Variants in PELP1 observed in about 807,000 individuals in gnomAD.
PELP1 encodes proline-, glutamic acid- and leucine-rich protein 1.
In PELP1, 32 loss-of-function variants were observed where a neutral mutation model predicts 95.5. The ratio of observed to expected loss-of-function variants is 0.34; its 90% CI spans 0.25 to 0.45. The LOEUF is 0.45. Among genes scored for constraint, PELP1 ranks in the 20% least tolerant of loss-of-function variants. PELP1 has a pLI of 1.00. For missense variants in PELP1, 1,358 were observed against 1,444.8 expected, an observed-to-expected ratio of 0.94 and a Z score of 0.97; for synonymous variants, 668 against 600.1, an observed-to-expected ratio of 1.11 and a Z score of -1.65.
rs1200213735 is a variant in PELP1 at position 4,685,764 on chromosome 17, G to A, written c.421-2812C>T. ...GCCATGATCACACCACTATATTCTA[G>A]CCCAGGTGACAAAATGAAACCATGT... is the stretch of plus-strand genomic sequence containing the variant. On this transcript the variant is annotated intron_variant, in intron 3 of 16. Transcript: ENST00000572293. 5.0e-5 allele frequency among the ~76,000 whole-genome samples: 7 copies of A among 140,448 alleles called. No homozygotes were observed. In the Admixed American group the frequency reaches 5.2e-4, roughly 11 times the overall value. The allele number at this position is 140,448 out of a possible 152,430, so 92.1% of individuals were successfully genotyped here.
chr17:4,702,880 G>T (rs1303756988), intron 1 of PELP1, among the ~76,000 whole-genome samples: 2 of 152,154 alleles, frequency 1.3e-5, no homozygotes, highest in Non-Finnish European at 2.9e-5. Flanking sequence ...TGCCTTCTTA[G>T]AATCAGTGCC....
intron 16 of PELP1, 34 bp from the exon 17 acceptor site, chr17:4,671,565 T>C (rs778539165): frequency 1.2e-6 from 2 of 1,612,316 alleles, no homozygotes; most frequent in South Asian, 2.2e-5. Context: ...TTCAGAATAG[T>C]CACACACACA....
At chr17:4,692,033 C>T (rs906500966) in intron 1 of PELP1, among the ~76,000 whole-genome samples, 2 of 152,170 alleles carry the variant, frequency 1.3e-5, no homozygotes, top group Non-Finnish European at 2.9e-5. Context: ...TCACGGCACC[C>T]GCGTCTCCCT....
At chr17:4,674,725 C>T in intron 12 of PELP1, 56 bp from the exon 13 acceptor site, 1 of 1,586,876 alleles carries the variant, frequency 6.3e-7, no homozygotes, top group Admixed American at 1.8e-5. Context: ...GGCAAGACAG[C>T]CACAGCAGAC....
chr17:4,686,616 A>G (rs547398116), intron 3 of PELP1, among the ~76,000 whole-genome samples: 1 of 152,200 alleles, frequency 6.6e-6, no homozygotes, highest in Admixed American at 6.5e-5. Context: ...CTCCCGGGTT[A>G]GAGCAATTCT....
rs752295060 is a variant in PELP1, at chr17:4,671,911, G to A, written c.3080C>T (p.Ala1027Val). ...ERGADTAPTL[A>V]PEALPSQGEV... ...TCCCTGGGAGGGGAGCGCTTCAGGG[G>A]CCAGGGTGGGAGCTGTGTCAGCCCC... Residue 1027 changes from alanine to valine, a missense_variant, in exon 16 of 17, where the codon GCC becomes GTC. By Grantham distance (64) the Ala-to-Val change is moderately conservative. Coordinates refer to ENST00000572293, the MANE Select transcript of PELP1 (RefSeq NM_014389.3). 2 of 1,516,046 alleles carry A rather than the reference G, an allele frequency of 1.3e-6. No homozygotes were observed. The highest frequency in any genetic ancestry group is 1.8e-6 in the Non-Finnish European group (2 of 1,136,198). 93.9% of individuals were successfully genotyped at this position (1,516,046 alleles called of 1,614,324 possible).
At chr17:4,699,656 G>A (rs533139256) in intron 1 of PELP1, among the ~76,000 whole-genome samples, 1 of 152,102 alleles carries the variant, frequency 6.6e-6, no homozygotes, top group Non-Finnish European at 1.5e-5. Flanking sequence ...GCGCAATCTC[G>A]GCTCACTGCA....
chr17:4,702,859 G>C (rs1021768906), intron 1 of PELP1, among the ~76,000 whole-genome samples: 2 of 152,114 alleles, frequency 1.3e-5, no homozygotes, highest in Non-Finnish European at 1.5e-5. Context: ...AGCTATTATG[G>C]GCTAGAAATA....
chr17:4,675,501 C>T lies in PELP1; in HGVS notation c.1069-139G>A. 1 of 724,626 alleles carries T rather than the reference C, an allele frequency of 1.4e-6. No individual in the cohort carries two copies. The highest frequency in any genetic ancestry group is 2.7e-5 in the East Asian group (1 of 37,320). The allele number at this position is 724,626 out of a possible 1,614,324, so 44.9% of individuals were successfully genotyped here. A position where few individuals can be genotyped will look rare whatever the true frequency, so the allele number is the denominator to read the frequency against. Reference sequence around the variant, plus strand: ...CTGATCTCAGCTCTCCCAACAAAATCAAACCCCTATCCTCTAAAATAGACC... The same window carrying T: ...CTGATCTCAGCTCTCCCAACAAAATTAAACCCCTATCCTCTAAAATAGACC... On this transcript the variant is annotated intron_variant, in intron 9 of 16. Coordinates refer to ENST00000572293, the MANE Select transcript of PELP1 (RefSeq NM_014389.3). The surrounding 1 kb of genome is among the most constrained non-coding windows in gnomAD (Gnocchi z 4.3).
At position 4,682,899 on chromosome 17, in the gene PELP1, G is replaced by A. The variant is rs1432826658; in HGVS notation, c.474C>T (p.Leu158=). 1.3e-6 allele frequency: 2 copies of A among 1,587,960 alleles called. No homozygotes were observed. Among genetic ancestry groups the A allele is most frequent in the East Asian group, 2.3e-5 (1 of 44,214 alleles). Residue 158 remains leucine, a synonymous_variant, in exon 4 of 17, where the codon CTC becomes CTT. Transcript: ENST00000572293. Reference sequence around the variant, plus strand: ...CAGGCAGCTGGGCTGCATATCGGAGGAGGTCCCTCAGGACAGCCACGGCCA... The same window carrying A: ...CAGGCAGCTGGGCTGCATATCGGAGAAGGTCCCTCAGGACAGCCACGGCCA... ...MELAVAVLRD[L]LRYAAQLPAL... is the part of the protein sequence containing the mutation.
chr17:4,694,117 C>T (rs1431698340), intron 1 of PELP1, among the ~76,000 whole-genome samples: 1 of 152,052 alleles, frequency 6.6e-6, no homozygotes, highest in Non-Finnish European at 1.5e-5. Context: ...AACCCAAAGG[C>T]TACATATTAT....
At chr17:4,683,509 ACG>A (rs1912789430) in intron 3 of PELP1, among the ~76,000 whole-genome samples, 1 of 144,666 alleles carries the variant, frequency 6.9e-6, no homozygotes, top group Non-Finnish European at 1.5e-5. Flanking sequence ...GTGAGCCATC[ACG>A]CCCAGCTGAG....
intron 1 of PELP1, among the ~76,000 whole-genome samples, chr17:4,696,365 A>G (rs1006563174): frequency 2.0e-5 from 3 of 152,228 alleles, no homozygotes; most frequent in Non-Finnish European, 4.4e-5. Context: ...GAAGACTATG[A>G]GATGAGAGCA....
At chr17:4,692,812 C>A (rs577435041) in intron 1 of PELP1, among the ~76,000 whole-genome samples, 125 of 152,222 alleles carry the variant, frequency 8.2e-4, no homozygotes, top group African/African-American at 2.9e-3. Flanking sequence ...GAGTTCGAGA[C>A]CAGCCTGGCC....
At chr17:4,691,153 A>C (rs1913081675) in intron 2 of PELP1, 160 bp from the exon 3 acceptor site, 5 of 661,084 alleles carry the variant, frequency 7.6e-6, no homozygotes, top group Non-Finnish European at 1.3e-5. Flanking sequence ...AGAAGCAAAG[A>C]AAGAAGGGAG....
At chr17:4,694,894 C>A (rs73334476) in intron 1 of PELP1, among the ~76,000 whole-genome samples, 1 of 151,552 alleles carries the variant, frequency 6.6e-6, no homozygotes, top group Non-Finnish European at 1.5e-5. Context: ...TCGCTTGAAC[C>A]TGAGAGAATC....
chr17:4,695,811 T>A lies in PELP1; in HGVS notation c.250-4369A>T, dbSNP rs190460047. On this transcript the variant is annotated intron_variant, in intron 1 of 16. Coordinates refer to ENST00000572293, the MANE Select transcript of PELP1 (RefSeq NM_014389.3). ...CTTGCCAACGTGGCGAAACTAAACA[T>A]CTAAAAATCTACTAAAAATACAAAA... Among the ~76,000 whole-genome samples, 60 of 147,660 alleles carry A rather than the reference T, an allele frequency of 4.1e-4. No homozygotes were observed. The East Asian group carries it at 9.3e-3, about 23-fold the overall frequency.
At chr17:4,684,990 A>T (rs977296011) in intron 3 of PELP1, among the ~76,000 whole-genome samples, 35 of 152,054 alleles carry the variant, frequency 2.3e-4, no homozygotes, top group African/African-American at 8.0e-4. Flanking sequence ...TGAGCCACCA[A>T]AAAAGTCTTT....
At position 4,700,435 on chromosome 17, in the gene PELP1, A is replaced by C. The variant is rs535678861; in HGVS notation, c.249+3428T>G. Among the ~76,000 whole-genome samples the C allele has an allele frequency of 8.0e-4, 122 of 152,238 alleles. 1 individual carries two copies. Among genetic ancestry groups the C allele is most frequent in the African/African-American group, 2.9e-3 (121 of 41,554 alleles). On this transcript the variant is annotated intron_variant, in intron 1 of 16. Transcript: ENST00000572293. The stretch of plus-strand genomic sequence containing the variant: ...CGAGTGGGGAGGATAACTTGAGGTC[A>C]GAAGTTCGAGACCAGCCTGACCAAC...
Sources: allele counts gnomAD v4.1 joint callset (sites outside exome capture counted in the v4.1 genomes callset), GRCh38; gene constraint gnomAD v4.1.1; non-coding constraint Gnocchi (gnomAD v3.1); transcripts MANE v1.5; gene names NCBI Gene and HGNC (gene_info 2026-07-23, HGNC 2026-07-21).